The following UBXN4 variants were observed in gnomAD, a reference collection of about 807,000 sequenced individuals.
UBXN4 encodes UBX domain protein 4, also known as UBX domain-containing protein 4.
UBXN4 carries 35 observed loss-of-function variants against 66.2 expected under a neutral mutation model. That is an observed-to-expected ratio of 0.53 (90% CI 0.40 to 0.70). The LOEUF is 0.70. UBXN4 is among the 30% of genes least tolerant of loss of function. The pLI is 0.00. For synonymous variants in UBXN4, 203 were observed against 204.5 expected (o/e 0.99, Z 0.06); for missense variants, 533 against 599.8 (o/e 0.89, Z 1.16).
In UBXN4 at chr2:135,776,251, C is replaced by A. The variant is rs779603271; in HGVS notation, c.953C>A (p.Thr318Asn). 6.2e-7 allele frequency: 1 copy of A among 1,613,180 alleles called. No homozygotes were observed. Among genetic ancestry groups the A allele is most frequent in the Non-Finnish European group, 8.5e-7 (1 of 1,179,474 alleles). Residue 318 changes from threonine (T) to asparagine (N), a missense_variant and splice_region_variant, in exon 10 of 13, where the codon ACT becomes AAT. Physicochemically the swap from Thr to Asn is moderately conservative, Grantham distance 65 (BLOSUM62 0). Around this residue, in one of 2 missense-constraint regions of UBXN4, gnomAD observed 529 missense variants for 580.1 expected, o/e 0.91. Transcript: ENST00000272638. ...KRESYARERS[T>N]VARIQFRLPD... ...ACTTTAATTTTCTTTTTTCATAGCA[C>A]TGTTGCAAGAATTCAATTCCGTCTT...
chr2:135,759,766 A>ATTTTTTTTTTTTT (rs10660396), intron 5 of UBXN4, among the ~76,000 whole-genome samples: 1 of 93,444 alleles, frequency 1.1e-5, no homozygotes, highest in African/African-American at 4.0e-5. Context: ...TCAATCCAGA[A>ATTTTTTTTTTTTT]TTTTTTTTTT....
intron 1 of UBXN4, chr2:135,742,896 A>G (rs977157960): frequency 8.5e-5 from 13 of 152,116 alleles, no homozygotes; most frequent in Non-Finnish European, 1.9e-4. Context: ...TAAAATCTAC[A>G]CGACTTTGAG....
chr2:135,745,875 C>CTTTTTATTT, intron 1 of UBXN4, among the ~76,000 whole-genome samples: 1 of 74,398 alleles, frequency 1.3e-5, no homozygotes, highest in Non-Finnish European at 2.3e-5. Flanking sequence ...GTCCCGTTTA[C>CTTTTTATTT]TTTTTTTTTT....
At chr2:135,748,909 G>A (rs1473405278) in intron 2 of UBXN4, among the ~76,000 whole-genome samples, 2 of 151,108 alleles carry the variant, frequency 1.3e-5, no homozygotes, top group South Asian at 2.1e-4. Flanking sequence ...GGTGGCACAC[G>A]CCTGTAATCC....
In UBXN4 at chr2:135,776,217, A is replaced by G. The variant is rs532351712; in HGVS notation, c.951-32A>G. 2.0e-5 allele frequency: 31 copies of G among 1,547,716 alleles called. No individual in the cohort carries two copies. The African/African-American group carries it at 3.5e-4, about 18-fold the overall frequency. Reference sequence around the variant, plus strand: ...TATTGTTAGAGAATATATAGAGGTGAAGATTGTGACTTTAATTTTCTTTTT... The same window carrying G: ...TATTGTTAGAGAATATATAGAGGTGGAGATTGTGACTTTAATTTTCTTTTT... On this transcript the variant is annotated intron_variant, in intron 9 of 12. Transcript: ENST00000272638.
rs745339373 is a variant in UBXN4, at chr2:135,772,540, G to A, written c.943G>A (p.Glu315Lys). The A allele has an allele frequency of 6.2e-7, 1 of 1,613,612 alleles. No homozygotes were observed. Among genetic ancestry groups the A allele is most frequent in the Admixed American group, 1.7e-5 (1 of 59,998 alleles). The change falls in exon 9 of 13, where the codon GAA becomes AAA. Residue 315 changes from glutamate to lysine, a missense_variant. Around this residue, in one of 2 missense-constraint regions of UBXN4, gnomAD observed 529 missense variants for 580.1 expected, o/e 0.91. Transcript: ENST00000272638. ...MEVKRESYAR[E>K]RSTVARIQFR... ...AGTCAAGAGGGAATCTTATGCAAGA[G>A]AAAGAAGGTACTATATTTCATGCTG...
Position 135,761,860 on chromosome 2 carries a change from G to A in UBXN4, c.551G>A (p.Ser184Asn), listed in dbSNP as rs1265001149. ...AGHATSSQEP[S>N]GCSDQRPAED... Reference sequence around the variant, plus strand: ...CATGCCACTTCCTCTCAGGAGCCTAGTGGATGCTCAGATCAGAGACCTGCA... The same window carrying A: ...CATGCCACTTCCTCTCAGGAGCCTAATGGATGCTCAGATCAGAGACCTGCA... The change falls in exon 6 of 13, where the codon AGT becomes AAT. Residue 184 changes from serine (S) to asparagine (N), a missense_variant. Physicochemically the swap from Ser to Asn is conservative, Grantham distance 46. Around this residue, in one of 2 missense-constraint regions of UBXN4, gnomAD observed 529 missense variants for 580.1 expected, o/e 0.91. Transcript: ENST00000272638. 1 of 1,613,740 alleles carries A rather than the reference G, an allele frequency of 6.2e-7. No homozygotes were observed. Among genetic ancestry groups the A allele is most frequent in the Non-Finnish European group, 8.5e-7 (1 of 1,179,894 alleles).
At chr2:135,771,157 CT>C (rs1200712232) in intron 8 of UBXN4, among the ~76,000 whole-genome samples, 1 of 152,044 alleles carries the variant, frequency 6.6e-6, no homozygotes, top group African/African-American at 2.4e-5. Flanking sequence ...GCAACAATTG[CT>C]TTTATAATTC....
chr2:135,769,687 T>G (rs2077370438), intron 6 of UBXN4, 82 bp from the exon 7 acceptor site: 2 of 1,034,580 alleles, frequency 1.9e-6, no homozygotes, highest in South Asian at 3.8e-5. Context: ...TCCAATTGTT[T>G]TAGCTAAATC....
intron 11 of UBXN4, among the ~76,000 whole-genome samples, chr2:135,779,347 A>G (rs11675213): frequency 6.6e-6 from 1 of 152,216 alleles, no homozygotes; most frequent in Non-Finnish European, 1.5e-5. Context: ...ATAGGAGAAG[A>G]CAGTAAGAAA....
chr2:135,748,602 C>T (rs983807504), intron 2 of UBXN4, among the ~76,000 whole-genome samples: 10 of 151,286 alleles, frequency 6.6e-5, no homozygotes, highest in African/African-American at 2.4e-4. Context: ...GTGGTGTGTG[C>T]CTTTGGTCCT....
intron 2 of UBXN4, among the ~76,000 whole-genome samples, chr2:135,749,214 A>G (rs1055116910): frequency 3.9e-5 from 6 of 152,214 alleles, no homozygotes; most frequent in Admixed American, 2.6e-4. Context: ...AAGAACAGTC[A>G]TCTCCAGCTT....
At chr2:135,765,850 G>A (rs998311884) in intron 6 of UBXN4, among the ~76,000 whole-genome samples, 1 of 151,842 alleles carries the variant, frequency 6.6e-6, no homozygotes, top group Non-Finnish European at 1.5e-5. Context: ...CAGGCATAGT[G>A]ACCATTAAGA....
At chr2:135,776,900 A>G (rs1379280656) in intron 10 of UBXN4, among the ~76,000 whole-genome samples, 1 of 152,104 alleles carries the variant, frequency 6.6e-6, no homozygotes, top group Non-Finnish European at 1.5e-5. Flanking sequence ...AGCCACTGGG[A>G]ACTTTTTTCA....
intron 2 of UBXN4, among the ~76,000 whole-genome samples, chr2:135,750,569 T>C (rs1409182407): frequency 6.6e-6 from 1 of 152,162 alleles, no homozygotes; most frequent in Non-Finnish European, 1.5e-5. Flanking sequence ...TTGTAAACTT[T>C]ATGTAAAAAT....
rs1292197567 is a variant in UBXN4, at chr2:135,754,144, C to A, written c.215-15C>A. 1 of 1,572,374 alleles carries A rather than the reference C, an allele frequency of 6.4e-7. No homozygotes were observed. The highest frequency in any genetic ancestry group is 1.8e-5 in the Admixed American group (1 of 56,308). On this transcript the variant is annotated splice_polypyrimidine_tract_variant and intron_variant, in intron 3 of 12. Coordinates refer to ENST00000272638, the MANE Select transcript of UBXN4 (RefSeq NM_014607.4). ...TCGTTTCACATGAATTGTTAGACTTCATTAAACTGTACAGATCCTGTAGTG... is the reference window on the plus strand; with the variant it reads ...TCGTTTCACATGAATTGTTAGACTTAATTAAACTGTACAGATCCTGTAGTG...
intron 5 of UBXN4, among the ~76,000 whole-genome samples, chr2:135,760,953 TTAC>T (rs2077311775): frequency 6.6e-6 from 1 of 152,222 alleles, no homozygotes; most frequent in Non-Finnish European, 1.5e-5. Flanking sequence ...CTAATTATTT[TTAC>T]TACTACTGTA....
At chr2:135,780,656 C>T (rs1160123294) in intron 12 of UBXN4, among the ~76,000 whole-genome samples, 1 of 152,212 alleles carries the variant, frequency 6.6e-6, no homozygotes, top group African/African-American at 2.4e-5. Context: ...AGTTTCTTTA[C>T]CCCATAACTA....
In UBXN4 at chr2:135,783,135, A is replaced by G. The variant is rs1224137334; in HGVS notation, c.*248A>G. ...ACCCTAAAAGAACCAAAAATCTGCC[A>G]CAGCCTGCCTCCATCAGCTTCTTAT... On this transcript the variant is annotated 3_prime_UTR_variant, in exon 13 of 13. Transcript: ENST00000272638. 1.2e-5 allele frequency: 4 copies of G among 321,084 alleles called. No homozygotes were observed. Among genetic ancestry groups the G allele is most frequent in the Non-Finnish European group, 2.3e-5 (4 of 175,792 alleles). 19.9% of individuals were successfully genotyped at this position (321,084 alleles called of 1,614,324 possible). A position where few individuals can be genotyped will look rare whatever the true frequency, so the allele number is the denominator to read the frequency against.
Sources: allele counts gnomAD v4.1 joint callset (sites outside exome capture counted in the v4.1 genomes callset), GRCh38; gene constraint gnomAD v4.1.1; regional missense constraint gnomAD v4.1.1; transcripts MANE v1.5; gene names NCBI Gene and HGNC (gene_info 2026-07-23, HGNC 2026-07-21).